The following PGAP1 variants were observed in gnomAD, a reference collection of about 807,000 sequenced individuals.
The protein encoded by PGAP1 is GPI inositol-deacylase.
Under a neutral mutation model 127.0 loss-of-function variants are expected in PGAP1, and 76 were observed. The observed-to-expected ratio is 0.60, with a 90% CI of 0.50 to 0.72. The LOEUF (loss-of-function observed/expected upper bound fraction) is 0.72, where lower values mean the gene tolerates loss of function less well. PGAP1 is among the 30% of genes least tolerant of loss of function. The pLI is 0.00. For missense variants in PGAP1, 982 were observed against 1,071.3 expected (o/e 0.92, Z 1.16); for synonymous variants, 362 against 366.5 (o/e 0.99, Z 0.14).
intron 2 of PGAP1, among the ~76,000 whole-genome samples, chr2:196,917,208 G>A (rs745602638): frequency 3.3e-5 from 5 of 151,934 alleles, no homozygotes; most frequent in Non-Finnish European, 5.9e-5. Context: ...TTGTTGTTTT[G>A]CAAATCTTTT....
chr2:196,873,415 C>T, intron 16 of PGAP1, 113 bp downstream of exon 16: 1 of 756,034 alleles, frequency 1.3e-6, no homozygotes, highest in Non-Finnish European at 2.1e-6. Context: ...TTTAATTTTA[C>T]TTCACATAAA....
At chr2:196,872,925 A>T in intron 17 of PGAP1, 35 bp downstream of exon 17, 1 of 749,452 alleles carries the variant, frequency 1.3e-6, no homozygotes, top group Non-Finnish European at 2.3e-6. Flanking sequence ...ATTCAAAAAC[A>T]CCAAAGTTTA....
At position 196,841,388 on chromosome 2, in the gene PGAP1, G is replaced by A; in HGVS notation, c.2631-16C>T. ...CAACAATTTACTGTAAAGAGACAGAGAAATATACATTACTTATGTGAACTA... is the reference window on the plus strand; with the variant it reads ...CAACAATTTACTGTAAAGAGACAGAAAAATATACATTACTTATGTGAACTA... On this transcript the variant is annotated splice_polypyrimidine_tract_variant and intron_variant, in intron 26 of 26. Coordinates refer to ENST00000354764, the MANE Select transcript of PGAP1 (RefSeq NM_024989.4). The A allele has an allele frequency of 6.2e-7, 1 of 1,601,286 alleles. No homozygotes were observed. The highest frequency in any genetic ancestry group is 8.5e-7 in the Non-Finnish European group (1 of 1,170,976).
At chr2:196,859,888 C>T (rs759370737) in intron 20 of PGAP1, among the ~76,000 whole-genome samples, 6 of 151,818 alleles carry the variant, frequency 4.0e-5, no homozygotes, top group Admixed American at 1.3e-4. Context: ...ATATGACAAA[C>T]CCACAGCTAA....
At chr2:196,890,602 G>A (rs1367389688) in intron 10 of PGAP1, among the ~76,000 whole-genome samples, 1 of 151,988 alleles carries the variant, frequency 6.6e-6, no homozygotes, top group Non-Finnish European at 1.5e-5. Flanking sequence ...AGAAAGACAG[G>A]GTGGGAGACC....
At chr2:196,918,572 C>T (rs1457812293) in intron 2 of PGAP1, among the ~76,000 whole-genome samples, 1 of 152,048 alleles carries the variant, frequency 6.6e-6, no homozygotes, top group Non-Finnish European at 1.5e-5. Flanking sequence ...AAGCCAGACA[C>T]AAAATAATAC....
At chr2:196,899,162 T>C (rs1329761375) in intron 5 of PGAP1, among the ~76,000 whole-genome samples, 1 of 152,180 alleles carries the variant, frequency 6.6e-6, no homozygotes. Context: ...CATCTCTTTA[T>C]GTACCATCAA....
chr2:196,878,977 G>GGC (rs1404584043), intron 13 of PGAP1, among the ~76,000 whole-genome samples: 2 of 152,116 alleles, frequency 1.3e-5, no homozygotes, highest in African/African-American at 4.8e-5. Context: ...AACCACATGT[G>GGC]CTAGTGATTC....
At position 196,836,232 on chromosome 2, in the gene PGAP1, T is replaced by C. The variant is rs924009915; in HGVS notation, c.*5002A>G. On this transcript the variant is annotated 3_prime_UTR_variant, in exon 27 of 27. Transcript: ENST00000354764. ...ATTAATTGGTATTTCAAAACACAGA[T>C]TGTTTTTGGCAGCATAACATGCCAA... 2.6e-5 allele frequency: 4 copies of C among 152,530 alleles called. No homozygotes were observed. The East Asian group carries it at 5.8e-4, about 22-fold the overall frequency. The allele number at this position is 152,530 out of a possible 1,614,324, so 9.4% of individuals were successfully genotyped here.
intron 23 of PGAP1, among the ~76,000 whole-genome samples, chr2:196,844,993 T>C (rs1048409359): frequency 1.3e-5 from 2 of 152,054 alleles, no homozygotes; most frequent in Non-Finnish European, 2.9e-5. Flanking sequence ...TTTTAAGTCT[T>C]TGAAAACCAG....
intron 19 of PGAP1, among the ~76,000 whole-genome samples, chr2:196,868,154 A>G (rs1701299774): frequency 6.6e-6 from 1 of 152,192 alleles, no homozygotes; most frequent in South Asian, 2.1e-4. Context: ...AATGAGATAA[A>G]CAGCACTTAC....
In PGAP1 at chr2:196,836,986, CCAACA is replaced by C. The variant is rs1314686567; in HGVS notation, c.*4243_*4247del. Reference sequence around the variant, plus strand: ...AACAAATGCCTAGTCATAGAAAGTCCCAACACATTTTCATTTTTCCCAAATGATTA... The same window carrying C: ...AACAAATGCCTAGTCATAGAAAGTCCCATTTTCATTTTTCCCAAATGATTA... On this transcript the variant is annotated 3_prime_UTR_variant, in exon 27 of 27. Transcript: ENST00000354764. 1.3e-5 allele frequency: 2 copies of C among 152,088 alleles called. No homozygotes were observed. Among genetic ancestry groups the C allele is most frequent in the Admixed American group, 1.3e-4 (2 of 15,274 alleles). 9.4% of individuals were successfully genotyped at this position (152,088 alleles called of 1,614,324 possible).
chr2:196,890,580 T>C (rs1702063550), intron 10 of PGAP1, among the ~76,000 whole-genome samples: 1 of 151,554 alleles, frequency 6.6e-6, no homozygotes, highest in Admixed American at 6.6e-5. Context: ...ACGAACAGAG[T>C]AAAATGAAGG....
At chr2:196,885,610 C>G (rs1701874460) in intron 11 of PGAP1, 135 bp from the exon 12 acceptor site, 1 of 670,564 alleles carries the variant, frequency 1.5e-6, no homozygotes, top group Non-Finnish European at 2.4e-6. Flanking sequence ...CCAATATACT[C>G]TGTCCACATA....
Position 196,847,900 on chromosome 2 carries a change from A to G in PGAP1, c.1952+47T>C, listed in dbSNP as rs773587254. On this transcript the variant is annotated intron_variant, in intron 21 of 26. Transcript: ENST00000354764. ...GCATTATGGAACCAAATATAATGTT[A>G]CATGTAAAACACAATTAAAATCATT... is the stretch of plus-strand genomic sequence containing the variant. The G allele has an allele frequency of 2.0e-5, 26 of 1,306,632 alleles. No homozygotes were observed. The South Asian group carries it at 3.7e-4, about 19-fold the overall frequency. The allele number at this position is 1,306,632 out of a possible 1,614,324, so 80.9% of individuals were successfully genotyped here. A position where few individuals can be genotyped will look rare whatever the true frequency, so the allele number is the denominator to read the frequency against.
intron 12 of PGAP1, among the ~76,000 whole-genome samples, chr2:196,881,879 A>G (rs566533913): frequency 6.6e-6 from 1 of 151,980 alleles, no homozygotes; most frequent in South Asian, 2.1e-4. Flanking sequence ...ATTACATCCC[A>G]TTTGTCAATT....
Position 196,842,776 on chromosome 2 carries a change from G to C in PGAP1, c.2575C>G (p.Leu859Val). The C allele has an allele frequency of 1.3e-6, 2 of 1,587,756 alleles. No homozygotes were observed. The highest frequency in any genetic ancestry group is 1.7e-6 in the Non-Finnish European group (2 of 1,163,662). ...PDPCKPLAFILIPTMAILGNT... is the reference protein window; with the variant it reads ...PDPCKPLAFIVIPTMAILGNT... ...CCAAGAATTGCCATAGTCGGAATAA[G>C]GATAAATGCCAAAGGTTTACATGGA... Residue 859 changes from leucine to valine, a missense_variant, in exon 26 of 27, where the codon CTT (leucine) becomes GTT (valine). Leu to Val is a conservative substitution (Grantham distance 32, BLOSUM62 1). Transcript: ENST00000354764.
At chr2:196,889,693 A>C (rs1309861710) in intron 10 of PGAP1, among the ~76,000 whole-genome samples, 7 of 40 alleles carry the variant, frequency 0.17, no homozygotes, top group African/African-American at 0.39. Context: ...TGTCTCTACT[A>C]AAAAAAATAG....
At chr2:196,924,464 C>G (rs1421171669) in intron 1 of PGAP1, among the ~76,000 whole-genome samples, 1 of 152,144 alleles carries the variant, frequency 6.6e-6, no homozygotes, top group African/African-American at 2.4e-5. Flanking sequence ...TTCAAAATGA[C>G]TCATTTCTAT....
Sources: gnomAD v4.1 joint callset for allele counts (sites outside exome capture counted in the v4.1 genomes callset) on GRCh38, gnomAD v4.1.1 for gene constraint, MANE v1.5 for transcripts, NCBI Gene and HGNC (gene_info 2026-07-23, HGNC 2026-07-21) for gene names.